The following COL15A1 variants were observed in gnomAD, a reference collection of about 807,000 sequenced individuals.
COL15A1 encodes collagen alpha-1(XV) chain.
COL15A1 carries 111 observed loss-of-function variants against 165.9 expected under a neutral mutation model. That is an observed-to-expected ratio of 0.67 (90% CI 0.57 to 0.78). The LOEUF (loss-of-function observed/expected upper bound fraction) is 0.78, where lower values mean the gene tolerates loss of function less well. COL15A1 is among the 30% of genes least tolerant of loss of function. The pLI is 0.00. For missense variants in COL15A1, 1,745 were observed against 1,789.7 expected (o/e 0.98, Z 0.45); for synonymous variants, 659 against 674.8 (o/e 0.98, Z 0.36).
chr9:99,068,535 G>A lies in COL15A1; in HGVS notation c.3838-20G>A, dbSNP rs375121383. 2.5e-5 allele frequency: 24 copies of A among 960,814 alleles called. No individual in the cohort carries two copies. The highest frequency in any genetic ancestry group is 5.2e-5 in the African/African-American group (3 of 57,236). The allele number at this position is 960,814 out of a possible 1,614,324, so 59.5% of individuals were successfully genotyped here. A position where few individuals can be genotyped will look rare whatever the true frequency, so the allele number is the denominator to read the frequency against. ...AGGCTGATGGTATAATGATTCTAAT[G>A]TGGTATTTTGTCTCTATAGGGCCAA... is the stretch of plus-strand genomic sequence containing the variant. On this transcript the variant is annotated intron_variant, in intron 40 of 41. Transcript: ENST00000375001.
intron 40 of COL15A1, 88 bp from the exon 41 acceptor site, chr9:99,068,467 C>CAAAA (rs34451429): frequency 7.8e-4 from 211 of 271,342 alleles, no homozygotes; most frequent in East Asian, 2.0e-3. Flanking sequence ...GAAACTGTGT[C>CAAAA]AAAAAAAAAA....
intron 26 of COL15A1, among the ~76,000 whole-genome samples, chr9:99,047,049 G>A (rs555350347): frequency 3.9e-5 from 6 of 152,334 alleles, no homozygotes; most frequent in African/African-American, 1.4e-4. Flanking sequence ...AGCAGACCCA[G>A]CTACAGGGTT....
In COL15A1 at chr9:99,005,053, A is replaced by G; in HGVS notation, c.1353+3A>G. The G allele has an allele frequency of 6.2e-7, 1 of 1,600,154 alleles. No homozygotes were observed. The highest frequency in any genetic ancestry group is 1.1e-5 in the South Asian group (1 of 88,102). On this transcript the variant is annotated splice_donor_region_variant and intron_variant, in intron 9 of 41. Transcript: ENST00000375001. ...GCCTCGGGGAAGAGGCCACTGTGGT[A>G]AGGATCGTACAGTGCCCAAAGGTTG... is the stretch of plus-strand genomic sequence containing the variant.
intron 24 of COL15A1, among the ~76,000 whole-genome samples, chr9:99,044,284 G>A (rs1655874977): frequency 1.3e-5 from 2 of 152,132 alleles, no homozygotes; most frequent in African/African-American, 2.4e-5. Flanking sequence ...GAAGGGGCAT[G>A]GAAGACAGGA....
intron 2 of COL15A1, among the ~76,000 whole-genome samples, chr9:98,979,644 A>G (rs984106270): frequency 8.6e-6 from 1 of 116,102 alleles, no homozygotes; most frequent in Non-Finnish European, 1.7e-5. Context: ...TGCAGGGATT[A>G]TCTTTATTAT....
intron 30 of COL15A1, among the ~76,000 whole-genome samples, chr9:99,051,325 A>G (rs1839583642): frequency 6.6e-6 from 1 of 152,204 alleles, no homozygotes; most frequent in South Asian, 2.1e-4. Context: ...TCGTGGGGAT[A>G]CCTAAAAGAA....
intron 16 of COL15A1, among the ~76,000 whole-genome samples, chr9:99,030,769 T>G (rs1200092422): frequency 6.6e-6 from 1 of 152,252 alleles, no homozygotes; most frequent in Non-Finnish European, 1.5e-5. Flanking sequence ...GAGGCTACTT[T>G]AGTTTCTGTT....
intron 21 of COL15A1, among the ~76,000 whole-genome samples, chr9:99,038,087 G>A (rs1447568204): frequency 2.0e-5 from 3 of 151,566 alleles, no homozygotes; most frequent in African/African-American, 7.3e-5. Flanking sequence ...CAAATAACTG[G>A]AAAAAGGATG....
chr9:98,995,789 A>G (rs1248970125), intron 5 of COL15A1, among the ~76,000 whole-genome samples: 1 of 152,232 alleles, frequency 6.6e-6, no homozygotes, highest in Non-Finnish European at 1.5e-5. Context: ...AGTGTTTTCA[A>G]TAACAAATAT....
At chr9:99,005,367 C>G (rs577563330) in intron 9 of COL15A1, among the ~76,000 whole-genome samples, 1 of 151,968 alleles carries the variant, frequency 6.6e-6, no homozygotes, top group South Asian at 2.1e-4. Context: ...TCCTGGAGGG[C>G]GATGGGGGAT....
At position 99,066,906 on chromosome 9, in the gene COL15A1, C is replaced by G; in HGVS notation, c.3676C>G (p.Pro1226Ala). 1 of 1,613,762 alleles carries G rather than the reference C, an allele frequency of 6.2e-7. No individual in the cohort carries two copies. The change falls in exon 40 of 42, where the codon CCA becomes GCA. Residue 1226 changes from proline (P) to alanine (A), a missense_variant. Coordinates refer to ENST00000375001, the MANE Select transcript of COL15A1 (RefSeq NM_001855.5). ...GCTGCATTTGGCTGCTCTGAACATG[C>G]CATTTTCTGGGGACATTCGAGCTGA... The part of the protein sequence containing the change: ...PALHLAALNM[P>A]FSGDIRADFQ...
At chr9:99,013,298 C>A (rs767067595) in intron 9 of COL15A1, among the ~76,000 whole-genome samples, 2 of 152,126 alleles carry the variant, frequency 1.3e-5, no homozygotes, top group Admixed American at 6.5e-5. Context: ...GGTCAACCCC[C>A]CAAGACACTC....
At chr9:98,952,540 A>G (rs538605995) in intron 2 of COL15A1, among the ~76,000 whole-genome samples, 2 of 152,182 alleles carry the variant, frequency 1.3e-5, no homozygotes, top group Admixed American at 6.5e-5. Context: ...ATCACTTAAA[A>G]TGAACCATAG....
chr9:98,953,651 G>T (rs1017660081), intron 2 of COL15A1, among the ~76,000 whole-genome samples: 2 of 152,166 alleles, frequency 1.3e-5, no homozygotes, highest in Non-Finnish European at 2.9e-5. Context: ...TGAGGGCCCT[G>T]GTATCTCTCC....
intron 2 of COL15A1, among the ~76,000 whole-genome samples, chr9:98,980,757 G>C (rs938469364): frequency 1.3e-5 from 2 of 152,206 alleles, no homozygotes. Context: ...CATGAAATTT[G>C]CTATAAAGAA....
chr9:99,049,605 C>A, intron 28 of COL15A1, 85 bp from the exon 29 acceptor site: 1 of 1,551,790 alleles, frequency 6.4e-7, no homozygotes, highest in Non-Finnish European at 8.8e-7. Flanking sequence ...ACCCTCCTTT[C>A]CTTCCTCTGG....
chr9:99,061,855 T>A, intron 36 of COL15A1, 116 bp from the exon 37 acceptor site: 1 of 1,111,330 alleles, frequency 9.0e-7, no homozygotes, highest in Non-Finnish European at 1.3e-6. Context: ...TTAACAAGCC[T>A]CTTTATTGAG....
At chr9:98,958,867 G>A (rs191998694) in intron 2 of COL15A1, among the ~76,000 whole-genome samples, 7 of 152,170 alleles carry the variant, frequency 4.6e-5, no homozygotes, top group East Asian at 1.9e-4. Flanking sequence ...TGAGTATTCC[G>A]CAAAGTGAGG....
At chr9:99,058,601 A>G (rs528876645) in intron 35 of COL15A1, among the ~76,000 whole-genome samples, 1 of 152,358 alleles carries the variant, frequency 6.6e-6, no homozygotes, top group South Asian at 2.1e-4. Flanking sequence ...TGCTTCTCAC[A>G]TAATGTATAG....
Sources: allele counts gnomAD v4.1 joint callset (sites outside exome capture counted in the v4.1 genomes callset), GRCh38; gene constraint gnomAD v4.1.1; transcripts MANE v1.5; gene names NCBI Gene and HGNC (gene_info 2026-07-23, HGNC 2026-07-21).